The following SSBP3 variants were observed in gnomAD, a reference collection of about 807,000 sequenced individuals.
The protein encoded by SSBP3 is single stranded DNA binding protein 3, also known as single-stranded DNA-binding protein 3.
SSBP3 carries 5 observed loss-of-function variants against 69.6 expected under a neutral mutation model. That is an observed-to-expected ratio of 0.07 (90% CI 0.04 to 0.15). SSBP3 has a LOEUF of 0.15. Among genes scored for constraint, SSBP3 ranks in the 10% least tolerant of loss-of-function variants. The pLI is 1.00. For missense variants in SSBP3, 312 were observed against 534.0 expected (o/e 0.58, Z 4.10); for synonymous variants, 196 against 193.4 (o/e 1.01, Z -0.11).
At chr1:54,256,707 T>C (rs1221039844) in intron 7 of SSBP3, among the ~76,000 whole-genome samples, 1 of 152,200 alleles carries the variant, frequency 6.6e-6, no homozygotes, top group Non-Finnish European at 1.5e-5. Context: ...GGATTATATT[T>C]ACCAGCCTTG....
intron 5 of SSBP3, among the ~76,000 whole-genome samples, chr1:54,263,425 G>C (rs757545006): frequency 1.3e-4 from 20 of 152,176 alleles, no homozygotes; most frequent in Non-Finnish European, 2.5e-4. Context: ...TTTCCCAACG[G>C]CTCTGAGCCT....
At chr1:54,345,212 A>G (rs957027721) in intron 4 of SSBP3, among the ~76,000 whole-genome samples, 4 of 152,222 alleles carry the variant, frequency 2.6e-5, no homozygotes, top group African/African-American at 4.8e-5. Flanking sequence ...CCCAGCCGTT[A>G]GAAACTAACT....
In SSBP3 at chr1:54,328,485, C is replaced by T. The variant is rs112529772; in HGVS notation, c.277-46958G>A. Among the ~76,000 whole-genome samples the T allele has an allele frequency of 1.3e-3, 204 of 152,322 alleles. 1 individual carries two copies. Among genetic ancestry groups the T allele is most frequent in the African/African-American group, 4.6e-3 (191 of 41,570 alleles). On this transcript the variant is annotated intron_variant, in intron 4 of 17. Transcript: ENST00000610401. ...GTCCTTGTCTACATACTTGCAGAGG[C>T]TAGCCCAGGCCTCACCATGTGTGAC...
chr1:54,360,115 G>A (rs1248193525), intron 4 of SSBP3, among the ~76,000 whole-genome samples: 1 of 152,068 alleles, frequency 6.6e-6, no homozygotes, highest in Non-Finnish European at 1.5e-5. Context: ...CTTTTCTCTC[G>A]GTTTTGGAAT....
chr1:54,275,034 C>A (rs1186309262), intron 5 of SSBP3, among the ~76,000 whole-genome samples: 1 of 152,196 alleles, frequency 6.6e-6, no homozygotes, highest in Non-Finnish European at 1.5e-5. Flanking sequence ...GTGCCTGGCC[C>A]CAACGGTATT....
intron 4 of SSBP3, among the ~76,000 whole-genome samples, chr1:54,307,474 C>T (rs1645921227): frequency 2.0e-5 from 3 of 152,184 alleles, no homozygotes; most frequent in Admixed American, 6.5e-5. Context: ...TCCTCTGGCT[C>T]TACTAGACTT....
At chr1:54,340,496 A>T (rs1324112244) in intron 4 of SSBP3, among the ~76,000 whole-genome samples, 1 of 152,234 alleles carries the variant, frequency 6.6e-6, no homozygotes, top group Non-Finnish European at 1.5e-5. Context: ...GAGGGACAAA[A>T]GGGCCAAGTG....
intron 4 of SSBP3, among the ~76,000 whole-genome samples, chr1:54,310,432 T>C (rs371420892): frequency 7.2e-5 from 11 of 152,144 alleles, no homozygotes; most frequent in African/African-American, 2.6e-4. Context: ...CAGAGTTGGG[T>C]ACACATAAGA....
intron 4 of SSBP3, among the ~76,000 whole-genome samples, chr1:54,304,918 C>T (rs1645870303): frequency 6.6e-6 from 1 of 152,116 alleles, no homozygotes; most frequent in Non-Finnish European, 1.5e-5. Context: ...CCTGGAAGAC[C>T]ACCACCACCA....
intron 4 of SSBP3, among the ~76,000 whole-genome samples, chr1:54,323,985 A>G (rs899030445): frequency 7.9e-5 from 12 of 152,200 alleles, no homozygotes; most frequent in Admixed American, 1.3e-4. Context: ...GTATTATCCT[A>G]AGCATTTTAC....
intron 4 of SSBP3, among the ~76,000 whole-genome samples, chr1:54,346,857 GC>G: frequency 6.6e-6 from 1 of 151,558 alleles, no homozygotes; most frequent in East Asian, 1.9e-4. Flanking sequence ...TCCTATGGCA[GC>G]CTTGGGGGAT....
Position 54,281,425 on chromosome 1 carries a change from G to A in SSBP3, c.366+13C>T. ...ACAAGGTGGAGCACAAGACCCACGG[G>A]CCCCGCACGTACCTGAAAGAAACCT... is the stretch of plus-strand genomic sequence containing the variant. On this transcript the variant is annotated intron_variant, in intron 5 of 17. Coordinates refer to ENST00000610401, the Ensembl canonical transcript of SSBP3. 6.4e-7 allele frequency: 1 copy of A among 1,550,748 alleles called. No individual in the cohort carries two copies. Among genetic ancestry groups the A allele is most frequent in the Non-Finnish European group, 8.7e-7 (1 of 1,146,660 alleles).
chr1:54,343,573 T>C (rs1646643757), intron 4 of SSBP3, among the ~76,000 whole-genome samples: 2 of 152,220 alleles, frequency 1.3e-5, no homozygotes, highest in African/African-American at 4.8e-5. Flanking sequence ...GGGATGGGCT[T>C]CAGAGGGTTT....
chr1:54,345,530 G>A (rs1398627856), intron 4 of SSBP3, among the ~76,000 whole-genome samples: 1 of 152,076 alleles, frequency 6.6e-6, no homozygotes, highest in Non-Finnish European at 1.5e-5. Context: ...AAAGTAATAG[G>A]GCAGAAAAGA....
intron 13 of SSBP3, among the ~76,000 whole-genome samples, chr1:54,239,745 A>G (rs1218835242): frequency 6.6e-6 from 1 of 152,208 alleles, no homozygotes; most frequent in Non-Finnish European, 1.5e-5. Context: ...CAGCAGCAGA[A>G]AGAGAGAGCC....
At chr1:54,350,207 C>G (rs1056746269) in intron 4 of SSBP3, among the ~76,000 whole-genome samples, 10 of 152,212 alleles carry the variant, frequency 6.6e-5, no homozygotes, top group African/African-American at 2.4e-4. Flanking sequence ...GACCTGAGAA[C>G]AGGTTGCTTA....
intron 4 of SSBP3, among the ~76,000 whole-genome samples, chr1:54,311,485 A>G (rs746537951): frequency 6.6e-6 from 1 of 152,182 alleles, no homozygotes; most frequent in Non-Finnish European, 1.5e-5. Flanking sequence ...CTCCAGGGAC[A>G]ATGGAGGTAA....
At chr1:54,255,332 T>C (rs961447850) in intron 7 of SSBP3, among the ~76,000 whole-genome samples, 1 of 152,082 alleles carries the variant, frequency 6.6e-6, no homozygotes, top group Admixed American at 6.5e-5. Flanking sequence ...CCACCACAAT[T>C]ATGATAAGGA....
At chr1:54,268,441 G>A (rs796461672) in intron 5 of SSBP3, among the ~76,000 whole-genome samples, 3 of 152,280 alleles carry the variant, frequency 2.0e-5, no homozygotes, top group African/African-American at 7.2e-5. Flanking sequence ...CCAGACACAC[G>A]GGTGCACACA....
Sources: gnomAD v4.1 joint callset for allele counts (sites outside exome capture counted in the v4.1 genomes callset) on GRCh38, gnomAD v4.1.1 for gene constraint, MANE v1.5 for transcripts, NCBI Gene and HGNC (gene_info 2026-07-23, HGNC 2026-07-21) for gene names.